EXOC2: variants seen among roughly 807,000 people sequenced by gnomAD.
EXOC2 encodes the protein SEC5-like 1.
A neutral mutation model predicts 131.8 loss-of-function variants in EXOC2; 70 were observed. The observed-to-expected ratio is 0.53, with a 90% CI of 0.44 to 0.65. EXOC2 has a LOEUF of 0.65. Among genes scored for constraint, EXOC2 ranks in the 30% least tolerant of loss-of-function variants. The pLI, the probability that EXOC2 is intolerant of heterozygous loss-of-function variation, is 0.00. For missense variants in EXOC2, 923 were observed against 1,108.6 expected, an observed-to-expected ratio of 0.83 and a Z score of 2.38; for synonymous variants, 411 against 398.4, an observed-to-expected ratio of 1.03 and a Z score of -0.38.
At chr6:578,754 T>C (rs1277342817) in intron 11 of EXOC2, among the ~76,000 whole-genome samples, 1 of 152,090 alleles carries the variant, frequency 6.6e-6, no homozygotes, top group Non-Finnish European at 1.5e-5. Context: ...TAAAATCCAC[T>C]GTGTTACCAA....
At chr6:611,772 T>G (rs1184975049) in intron 6 of EXOC2, among the ~76,000 whole-genome samples, 1 of 152,250 alleles carries the variant, frequency 6.6e-6, no homozygotes, top group Non-Finnish European at 1.5e-5. Flanking sequence ...ATCATAGGTT[T>G]GTTATTGTTT....
intron 23 of EXOC2, among the ~76,000 whole-genome samples, chr6:504,936 TAA>T (rs1478913589): frequency 2.0e-5 from 3 of 152,178 alleles, no homozygotes; most frequent in African/African-American, 7.2e-5. Context: ...AATTTAAAAT[TAA>T]AGACATAACA....
chr6:573,592 A>AC (rs1758409503), intron 12 of EXOC2, among the ~76,000 whole-genome samples: 1 of 151,754 alleles, frequency 6.6e-6, no homozygotes, highest in Non-Finnish European at 1.5e-5. Context: ...CTTTCCAAAT[A>AC]CCCCCAAGCA....
intron 1 of EXOC2, among the ~76,000 whole-genome samples, chr6:666,241 C>A (rs896383626): frequency 6.6e-6 from 1 of 152,232 alleles, no homozygotes; most frequent in African/African-American, 2.4e-5. Flanking sequence ...GTAGAAGACA[C>A]TTCTCTTGTT....
chr6:629,156 T>C (rs1761723015), intron 4 of EXOC2, among the ~76,000 whole-genome samples: 2 of 152,314 alleles, frequency 1.3e-5, no homozygotes, highest in Admixed American at 6.5e-5. Context: ...CAGTGCTAAT[T>C]TGTCACTTTT....
At position 486,422 on chromosome 6, in the gene EXOC2, T is replaced by G; in HGVS notation, c.*249A>C. 1 of 384,762 alleles carries G rather than the reference T, an allele frequency of 2.6e-6. No homozygotes were observed. Among genetic ancestry groups the G allele is most frequent in the Middle Eastern group, 6.8e-4 (1 of 1,468 alleles). The allele number at this position is 384,762 out of a possible 1,614,324, so 23.8% of individuals were successfully genotyped here. ...CAACCTTCTGCTGAGATGCAAAATA[T>G]ATTTTAAAATGTATTTTAAAGTCAT... On this transcript the variant is annotated 3_prime_UTR_variant, in exon 28 of 28. Transcript: ENST00000230449.
intron 23 of EXOC2, among the ~76,000 whole-genome samples, chr6:500,453 G>C (rs530234363): frequency 2.6e-5 from 4 of 152,336 alleles, no homozygotes; most frequent in East Asian, 3.9e-4. Flanking sequence ...ACAGCTGCTA[G>C]TTGTGACTTT....
intron 1 of EXOC2, chr6:656,289 T>C: frequency 1.2e-6 from 2 of 1,614,230 alleles, no homozygotes; most frequent in Non-Finnish European, 1.7e-6. Context: ...GTCTCTGTTT[T>C]CAGGCACACC....
rs1442970870 is a variant in EXOC2, at chr6:520,776, C to G, written c.2380+11693G>C. ...CACACTCGGACATGAAAACCACCAC[C>G]CACCGAGCACCAACACTCACCGTCC... is the stretch of plus-strand genomic sequence containing the variant. On this transcript the variant is annotated intron_variant, in intron 23 of 27. Coordinates refer to ENST00000230449, the MANE Select transcript of EXOC2 (RefSeq NM_018303.6). 4.0e-4 allele frequency among the ~76,000 whole-genome samples: 53 copies of G among 133,278 alleles called. 3 individuals carry two copies. The highest frequency in any genetic ancestry group is 1.5e-3 in the African/African-American group (46 of 31,600). The allele number at this position is 133,278 out of a possible 152,430, so 87.4% of individuals were successfully genotyped here.
intron 11 of EXOC2, among the ~76,000 whole-genome samples, chr6:587,621 G>A (rs562897206): frequency 2.0e-5 from 3 of 152,170 alleles, no homozygotes; most frequent in Admixed American, 2.0e-4. Context: ...GAAAAACACC[G>A]ACATGCAAAC....
At chr6:683,940 C>T (rs1407969696) in intron 1 of EXOC2, among the ~76,000 whole-genome samples, 7 of 152,198 alleles carry the variant, frequency 4.6e-5, no homozygotes, top group African/African-American at 7.2e-5. Flanking sequence ...ACCGCAGCTG[C>T]GAAGGATTGA....
chr6:578,925 G>A (rs983705775), intron 11 of EXOC2, among the ~76,000 whole-genome samples: 1 of 151,860 alleles, frequency 6.6e-6, no homozygotes, highest in Non-Finnish European at 1.5e-5. Context: ...TTCAGGAAAT[G>A]AATATCAAAA....
rs1254694223 is a variant in EXOC2 at position 565,969 on chromosome 6, C to CA, written c.1444-1041dup. ...CAACAGAACTATCAGACAAACCTGACAAAAAAACGGGCAGCACATACACAG... is the reference window on the plus strand; with the variant it reads ...CAACAGAACTATCAGACAAACCTGACAAAAAAAACGGGCAGCACATACACAG... On this transcript the variant is annotated intron_variant, in intron 13 of 27. Transcript: ENST00000230449. Among the ~76,000 whole-genome samples the CA allele has an allele frequency of 3.3e-5, 5 of 152,186 alleles. No homozygotes were observed. The East Asian group carries it at 7.7e-4, about 23-fold the overall frequency.
At chr6:581,992 A>G (rs1392609999) in intron 11 of EXOC2, among the ~76,000 whole-genome samples, 1 of 152,238 alleles carries the variant, frequency 6.6e-6, no homozygotes, top group Non-Finnish European at 1.5e-5. Flanking sequence ...ATTTGTTTTC[A>G]GGAGTTGCAG....
rs747607253 is a variant in EXOC2, at chr6:562,739, T to C, written c.1851+45A>G. The C allele has an allele frequency of 3.0e-6, 4 of 1,339,916 alleles. No homozygotes were observed. In the Admixed American group the frequency reaches 6.7e-5, roughly 22 times the overall value. 83.0% of individuals were successfully genotyped at this position (1,339,916 alleles called of 1,614,324 possible). Reference sequence around the variant, plus strand: ...TATTAATATGATAAACTATTTATTTTAAATACACACTAATGACTAATAATT... The same window carrying C: ...TATTAATATGATAAACTATTTATTTCAAATACACACTAATGACTAATAATT... On this transcript the variant is annotated intron_variant, in intron 17 of 27. Coordinates refer to ENST00000230449, the MANE Select transcript of EXOC2 (RefSeq NM_018303.6).
intron 1 of EXOC2, among the ~76,000 whole-genome samples, chr6:674,530 T>C (rs1764020833): frequency 6.6e-6 from 1 of 152,128 alleles, no homozygotes; most frequent in African/African-American, 2.4e-5. Flanking sequence ...AACACAATAA[T>C]TTCAAAAATT....
At chr6:498,666 T>C (rs1561782099) in intron 24 of EXOC2, among the ~76,000 whole-genome samples, 1 of 152,170 alleles carries the variant, frequency 6.6e-6, no homozygotes. Context: ...AGGAACCAGG[T>C]AGTGTTATCT....
In EXOC2 at chr6:506,032, T is replaced by C. The variant is rs917712538; in HGVS notation, c.2381-6332A>G. Among the ~76,000 whole-genome samples the C allele has an allele frequency of 2.0e-5, 3 of 152,228 alleles. No homozygotes were observed. Among genetic ancestry groups the C allele is most frequent in the Non-Finnish European group, 4.4e-5 (3 of 68,036 alleles). ...CTAAAAGTAAGTGCCTCGGCATACA[T>C]GGAAAGAAGGTATTCCTTGGGAAAG... On this transcript the variant is annotated intron_variant, in intron 23 of 27. Coordinates refer to ENST00000230449, the MANE Select transcript of EXOC2 (RefSeq NM_018303.6). The surrounding 1 kb of genome is among the most constrained non-coding windows in gnomAD (Gnocchi z 4.4).
At position 637,948 on chromosome 6, in the gene EXOC2, A is replaced by C. The variant is rs541369564; in HGVS notation, c.-43-87T>G. The C allele has an allele frequency of 2.3e-5, 20 of 864,194 alleles. No individual in the cohort carries two copies. In the African/African-American group the frequency reaches 3.3e-4, roughly 14 times the overall value. The allele number at this position is 864,194 out of a possible 1,614,324, so 53.5% of individuals were successfully genotyped here. ...AAGAATGCTAGACAGTCAGTACCAAAATATAAAAAGTATTCTTAAACACAG... is the reference window on the plus strand; with the variant it reads ...AAGAATGCTAGACAGTCAGTACCAACATATAAAAAGTATTCTTAAACACAG... On this transcript the variant is annotated intron_variant, in intron 1 of 27. Coordinates refer to ENST00000230449, the MANE Select transcript of EXOC2 (RefSeq NM_018303.6).
Sources: gnomAD v4.1 joint callset for allele counts (sites outside exome capture counted in the v4.1 genomes callset) on GRCh38, gnomAD v4.1.1 for gene constraint, Gnocchi (gnomAD v3.1) non-coding constraint, MANE v1.5 for transcripts, NCBI Gene and HGNC (gene_info 2026-07-23, HGNC 2026-07-21) for gene names.